Variants in SMKR1 observed in about 807,000 individuals in gnomAD.
SMKR1 encodes small lysine-rich protein 1.
In SMKR1, 4 loss-of-function variants were observed where a neutral mutation model predicts 4.0. The ratio of observed to expected loss-of-function variants is 1.00; its 90% CI spans 0.49 to 2.30. SMKR1 has a LOEUF of 2.30. Ranked by LOEUF, SMKR1 falls within the 30% of genes most tolerant of loss-of-function variation. The probability of loss-of-function intolerance (pLI) is 0.02; values close to 1 mark genes in which losing one functional copy is unlikely to be tolerated. For synonymous variants in SMKR1, 38 were observed against 32.5 expected, an observed-to-expected ratio of 1.17 and a Z score of -0.58; for missense variants, 56 against 81.8, an observed-to-expected ratio of 0.68 and a Z score of 1.22.
At chr7:129,503,970 G>A (rs1562927263) in intron 1 of SMKR1, among the ~76,000 whole-genome samples, 2 of 151,726 alleles carry the variant, frequency 1.3e-5, no homozygotes, top group Non-Finnish European at 2.9e-5. Context: ...TCGGACCGTA[G>A]GCAGGCATCA....
chr7:129,512,418 G>A lies in SMKR1; in HGVS notation c.175G>A (p.Gly59Arg). The A allele has an allele frequency of 6.5e-7, 1 of 1,534,450 alleles. No individual in the cohort carries two copies. Residue 59 changes from glycine (G) to arginine (R), a missense_variant, in exon 2 of 2, where the codon GGA becomes AGA. Transcript: ENST00000462322. ...RGFHWPGAPK[G>R]KKGRSK The stretch of plus-strand genomic sequence containing the variant: ...CTTCCATTGGCCGGGTGCTCCCAAA[G>A]GAAAGAAAGGGAGAAGCAAGTGACA...
At chr7:129,511,370 G>A (rs969625303) in intron 1 of SMKR1, among the ~76,000 whole-genome samples, 1 of 152,176 alleles carries the variant, frequency 6.6e-6, no homozygotes, top group African/African-American at 2.4e-5. Context: ...TGGGTCGGGG[G>A]CAGCGGGGGA....
chr7:129,508,978 G>A (rs1180268996), intron 1 of SMKR1, among the ~76,000 whole-genome samples: 1 of 152,132 alleles, frequency 6.6e-6, no homozygotes, highest in East Asian at 1.9e-4. Flanking sequence ...CATACATTAA[G>A]TCAAGTGTGT....
intron 1 of SMKR1, among the ~76,000 whole-genome samples, chr7:129,503,619 C>T (rs1235319756): frequency 6.6e-6 from 1 of 152,190 alleles, no homozygotes; most frequent in Non-Finnish European, 1.5e-5. Context: ...TCCTGCTTCC[C>T]CATCGCTCCT....
chr7:129,508,329 C>A (rs1799490655), intron 1 of SMKR1, among the ~76,000 whole-genome samples: 4 of 152,222 alleles, frequency 2.6e-5, no homozygotes, highest in Admixed American at 1.3e-4. Flanking sequence ...GGACTCTATT[C>A]TGTCCCATTG....
At chr7:129,502,946 T>A in intron 1 of SMKR1, 119 bp downstream of exon 1, 1 of 1,406,508 alleles carries the variant, frequency 7.1e-7, no homozygotes, top group Non-Finnish European at 9.5e-7. Context: ...CCTCAACGCG[T>A]GGCGAAAAGA....
chr7:129,512,258 GA>G lies in SMKR1; in HGVS notation c.21del (p.Gly8GlufsTer26). On this transcript the variant is annotated frameshift_variant, in exon 2 of 2. Coordinates refer to ENST00000462322, the MANE Select transcript of SMKR1 (RefSeq NM_001195243.2). LOFTEE classifies it high-confidence loss of function. ...TTTGTCTTTGAAAGCCAGCTAAAGG[GA>G]AAAAAGGAAAAGGCCAGGGCAAGTC... MPAKG[K>X]KGKGQGKSHG... The G allele has an allele frequency of 6.6e-7, 1 of 1,510,594 alleles. No homozygotes were observed. The allele number at this position is 1,510,594 out of a possible 1,614,324, so 93.6% of individuals were successfully genotyped here.
chr7:129,510,571 A>C (rs1386874877), intron 1 of SMKR1, among the ~76,000 whole-genome samples: 1 of 152,120 alleles, frequency 6.6e-6, no homozygotes, highest in Non-Finnish European at 1.5e-5. Flanking sequence ...GTCTCTACCA[A>C]AAATAAATTA....
At chr7:129,505,701 T>C (rs1799457934) in intron 1 of SMKR1, among the ~76,000 whole-genome samples, 1 of 152,134 alleles carries the variant, frequency 6.6e-6, no homozygotes, top group Non-Finnish European at 1.5e-5. Context: ...AGGCTGGTCT[T>C]GAACTCCTGA....
chr7:129,511,724 A>C (rs188902512), intron 1 of SMKR1, among the ~76,000 whole-genome samples: 1 of 152,340 alleles, frequency 6.6e-6, no homozygotes, highest in African/African-American at 2.4e-5. Flanking sequence ...CTCAAAAGGC[A>C]GTTCTAGTTG....
At chr7:129,509,639 C>T (rs950510242) in intron 1 of SMKR1, among the ~76,000 whole-genome samples, 1 of 152,048 alleles carries the variant, frequency 6.6e-6, no homozygotes, top group Non-Finnish European at 1.5e-5. Context: ...CTTCCGGGTT[C>T]AAGAGATTTT....
chr7:129,509,114 A>G (rs1030275221), intron 1 of SMKR1, among the ~76,000 whole-genome samples: 16 of 152,202 alleles, frequency 1.1e-4, no homozygotes, highest in Non-Finnish European at 2.4e-4. Context: ...GGAGTTGAAG[A>G]CCAGCCTGGC....
intron 1 of SMKR1, among the ~76,000 whole-genome samples, chr7:129,504,313 G>T (rs1414537351): frequency 6.6e-6 from 1 of 152,226 alleles, no homozygotes; most frequent in Non-Finnish European, 1.5e-5. Context: ...CCCCTTGGCT[G>T]CCTGTGGGCT....
Position 129,512,688 on chromosome 7 carries a change from T to C in SMKR1, c.*247T>C. 2.7e-6 allele frequency: 1 copy of C among 373,426 alleles called. No individual in the cohort carries two copies. The highest frequency in any genetic ancestry group is 4.7e-6 in the Non-Finnish European group (1 of 211,714). 23.1% of individuals were successfully genotyped at this position (373,426 alleles called of 1,614,324 possible). A position where few individuals can be genotyped will look rare whatever the true frequency, so the allele number is the denominator to read the frequency against. ...AAAAGCCTGAGTAATTCCTACACAG[T>C]GTGCTGAAATTAATAGAACTTTCAG... On this transcript the variant is annotated 3_prime_UTR_variant, in exon 2 of 2. Coordinates refer to ENST00000462322, the MANE Select transcript of SMKR1 (RefSeq NM_001195243.2).
rs1356952322 is a variant in SMKR1 at position 129,502,603 on chromosome 7, G to A, written c.-222G>A. 2 of 552,018 alleles carry A rather than the reference G, an allele frequency of 3.6e-6. No homozygotes were observed. The highest frequency in any genetic ancestry group is 2.1e-5 in the African/African-American group (1 of 48,762). The allele number at this position is 552,018 out of a possible 1,614,324, so 34.2% of individuals were successfully genotyped here. A position where few individuals can be genotyped will look rare whatever the true frequency, so the allele number is the denominator to read the frequency against. On this transcript the variant is annotated 5_prime_UTR_variant, in exon 1 of 2. Transcript: ENST00000462322. Reference sequence around the variant, plus strand: ...GGGCAAGCAGGTGCCTCGCGTCCAGGCGGCTCCGCGGCTGGCTGCCTCCCG... The same window carrying A: ...GGGCAAGCAGGTGCCTCGCGTCCAGACGGCTCCGCGGCTGGCTGCCTCCCG...
At chr7:129,507,694 C>G (rs1404581597) in intron 1 of SMKR1, among the ~76,000 whole-genome samples, 1 of 152,192 alleles carries the variant, frequency 6.6e-6, no homozygotes, top group Non-Finnish European at 1.5e-5. Context: ...TTGGTAGGAT[C>G]AGTCTTTTTG....
chr7:129,511,311 G>C (rs1434196781), intron 1 of SMKR1, among the ~76,000 whole-genome samples: 1 of 152,144 alleles, frequency 6.6e-6, no homozygotes, highest in Non-Finnish European at 1.5e-5. Context: ...CCATTTCTCA[G>C]ATTCAGAAAT....
intron 1 of SMKR1, among the ~76,000 whole-genome samples, chr7:129,506,868 T>TTTC (rs1554390059): frequency 6.8e-6 from 1 of 148,120 alleles, no homozygotes; most frequent in African/African-American, 2.5e-5. Flanking sequence ...TCTTTTCTTT[T>TTTC]TTTTTTTTTT....
Position 129,512,279 on chromosome 7 carries a change from CA to C in SMKR1, c.38del (p.Lys13SerfsTer21). The C allele has an allele frequency of 6.5e-7, 1 of 1,533,914 alleles. No homozygotes were observed. The highest frequency in any genetic ancestry group is 8.7e-7 in the Non-Finnish European group (1 of 1,146,186). Reference sequence around the variant, plus strand: ...AAGGGAAAAAAGGAAAAGGCCAGGGCAAGTCTCATGGGAAGAAACAGAAGAA... The same window carrying C: ...AAGGGAAAAAAGGAAAAGGCCAGGGCAGTCTCATGGGAAGAAACAGAAGAA... The part of the protein sequence containing the change: ...AKGKKGKGQG[K>X]SHGKKQKKPE... On this transcript the variant is annotated frameshift_variant, in exon 2 of 2. Coordinates refer to ENST00000462322, the MANE Select transcript of SMKR1 (RefSeq NM_001195243.2). LOFTEE classifies it high-confidence loss of function.
Sources: allele counts gnomAD v4.1 joint callset (sites outside exome capture counted in the v4.1 genomes callset), GRCh38; gene constraint gnomAD v4.1.1; transcripts MANE v1.5; gene names NCBI Gene and HGNC (gene_info 2026-07-23, HGNC 2026-07-21).